ATP8A2: variants seen among roughly 807,000 people sequenced by gnomAD.
ATP8A2 encodes phospholipid-transporting ATPase IB.
In ATP8A2, 100 loss-of-function variants were observed where a neutral mutation model predicts 165.6. The observed-to-expected ratio is 0.60, with a 90% CI of 0.51 to 0.71. The LOEUF (loss-of-function observed/expected upper bound fraction) is 0.71, where lower values mean the gene tolerates loss of function less well. Ranked by LOEUF, ATP8A2 falls within the 30% of genes least tolerant of loss-of-function variation. The pLI is 0.00. For missense variants in ATP8A2, 1,227 were observed against 1,479.5 expected (o/e 0.83, Z 2.80); for synonymous variants, 543 against 548.8 (o/e 0.99, Z 0.15).
At chr13:25,961,685 G>T in intron 34 of ATP8A2, 22 bp downstream of exon 34, 2 of 1,570,204 alleles carry the variant, frequency 1.3e-6, no homozygotes, top group South Asian at 1.1e-5. Context: ...AGTGAAGCGG[G>T]GACCCTAAGT....
intron 1 of ATP8A2, among the ~76,000 whole-genome samples, chr13:25,401,264 A>G (rs901162853): frequency 9.9e-5 from 15 of 152,214 alleles, no homozygotes; most frequent in Middle Eastern, 3.2e-3. Flanking sequence ...AAAATGTGCC[A>G]TTTAAAATGA....
intron 24 of ATP8A2, among the ~76,000 whole-genome samples, chr13:25,652,611 G>A (rs997278561): frequency 2.6e-5 from 4 of 152,120 alleles, no homozygotes; most frequent in African/African-American, 9.7e-5. Context: ...CATTTCCACT[G>A]CTTTGTTGTT....
chr13:25,663,329 G>A lies in ATP8A2; in HGVS notation c.2212-35844G>A, dbSNP rs76772932. 0.017 allele frequency among the ~76,000 whole-genome samples: 2,606 copies of A among 152,274 alleles called. 197 individuals carry two copies. In the East Asian group the frequency reaches 0.24, roughly 14 times the overall value. On this transcript the variant is annotated intron_variant, in intron 24 of 36. Coordinates refer to ENST00000381655, the MANE Select transcript of ATP8A2 (RefSeq NM_016529.6). ...CTTTCTTATAAGTTATTTCAAGTTT[G>A]CTGTTTCCCTACAGTTTGAATTGAA... is the stretch of plus-strand genomic sequence containing the variant.
intron 34 of ATP8A2, among the ~76,000 whole-genome samples, chr13:25,962,100 G>A (rs1955673741): frequency 2.0e-5 from 3 of 152,106 alleles, no homozygotes; most frequent in Non-Finnish European, 4.4e-5. Flanking sequence ...AAGATCAATA[G>A]GAATGTTGCC....
rs1264951584 is a variant in ATP8A2, at chr13:26,020,785, A to T, written c.*800A>T. 1 of 152,342 alleles carries T rather than the reference A, an allele frequency of 6.6e-6. No homozygotes were observed. Among genetic ancestry groups the T allele is most frequent in the South Asian group, 2.1e-4 (1 of 4,826 alleles). The allele number at this position is 152,342 out of a possible 1,614,324, so 9.4% of individuals were successfully genotyped here. ...TGTTCCACTGCAGACTCAGATACAG[A>T]TGCGAAAAATTCCTTCTTCCACCGC... On this transcript the variant is annotated 3_prime_UTR_variant, in exon 37 of 37. Coordinates refer to ENST00000381655, the MANE Select transcript of ATP8A2 (RefSeq NM_016529.6).
chr13:25,918,641 T>TC (rs928409839), intron 33 of ATP8A2, among the ~76,000 whole-genome samples: 15 of 151,806 alleles, frequency 9.9e-5, no homozygotes, highest in Admixed American at 7.2e-4. Context: ...TGTGAAAGCC[T>TC]CCCCCCCGCA....
At chr13:25,695,114 T>G (rs1334245812) in intron 24 of ATP8A2, among the ~76,000 whole-genome samples, 1 of 151,364 alleles carries the variant, frequency 6.6e-6, no homozygotes, top group Non-Finnish European at 1.5e-5. Context: ...AATACTGTAA[T>G]AAAGCAAGTC....
intron 33 of ATP8A2, among the ~76,000 whole-genome samples, chr13:25,930,889 C>T (rs1302360317): frequency 6.6e-6 from 1 of 152,226 alleles, no homozygotes; most frequent in Non-Finnish European, 1.5e-5. Flanking sequence ...AGGAACTACT[C>T]AGCCTTGCCG....
chr13:25,824,285 C>CTAT (rs1251653261), intron 27 of ATP8A2, among the ~76,000 whole-genome samples: 2 of 152,142 alleles, frequency 1.3e-5, no homozygotes, highest in Non-Finnish European at 2.9e-5. Flanking sequence ...AGTGTCAATT[C>CTAT]TGGCTTTCAT....
chr13:25,724,628 C>T (rs936511810), intron 25 of ATP8A2, among the ~76,000 whole-genome samples: 1 of 152,224 alleles, frequency 6.6e-6, no homozygotes, highest in Non-Finnish European at 1.5e-5. Flanking sequence ...TAAAAATTCA[C>T]ATTGACTTCT....
chr13:25,789,789 G>C (rs1270310444), intron 27 of ATP8A2, among the ~76,000 whole-genome samples: 1 of 152,166 alleles, frequency 6.6e-6, no homozygotes. Context: ...TAAGCAAAAA[G>C]AGCGAAGCTG....
At chr13:25,506,536 C>G (rs9578872) in intron 2 of ATP8A2, among the ~76,000 whole-genome samples, 9,010 of 152,220 alleles carry the variant, frequency 0.059, 341 homozygotes, top group South Asian at 0.13. Context: ...CATTTGGAAA[C>G]CCTTGAAACC....
At chr13:25,850,753 T>A (rs1423691584) in intron 30 of ATP8A2, among the ~76,000 whole-genome samples, 1 of 152,226 alleles carries the variant, frequency 6.6e-6, no homozygotes, top group Non-Finnish European at 1.5e-5. Flanking sequence ...AGCAACTTGC[T>A]TTAGGAATAA....
At chr13:25,703,537 C>T (rs4770861) in intron 25 of ATP8A2, among the ~76,000 whole-genome samples, 96,997 of 152,020 alleles carry the variant, frequency 0.64, 31,460 homozygotes, top group Non-Finnish European at 0.69. Context: ...CATAGCAGCA[C>T]GGCCCACAGT....
rs888756688 is a variant in ATP8A2 at position 25,372,706 on chromosome 13, C to G, written c.76+418C>G. On this transcript the variant is annotated intron_variant, in intron 1 of 36. Coordinates refer to ENST00000381655, the MANE Select transcript of ATP8A2 (RefSeq NM_016529.6). The surrounding 1 kb of genome is among the most constrained non-coding windows in gnomAD (Gnocchi z 4.8). Reference sequence around the variant, plus strand: ...AGCCTTCCCTGCCGGCGGCCGGCACCGCTGTGCTGCAGAGCTCAAAAGCAG... The same window carrying G: ...AGCCTTCCCTGCCGGCGGCCGGCACGGCTGTGCTGCAGAGCTCAAAAGCAG... Among the ~76,000 whole-genome samples, 2 of 152,192 alleles carry G rather than the reference C, an allele frequency of 1.3e-5. No individual in the cohort carries two copies. Among genetic ancestry groups the G allele is most frequent in the African/African-American group, 4.8e-5 (2 of 41,446 alleles).
At position 25,422,456 on chromosome 13, in the gene ATP8A2, A is replaced by G. The variant is rs2034328195; in HGVS notation, c.77-46521A>G. On this transcript the variant is annotated intron_variant, in intron 1 of 36. Coordinates refer to ENST00000381655, the MANE Select transcript of ATP8A2 (RefSeq NM_016529.6). ...CCAATGAGTTAAAATCCCCGTTGAC[A>G]TTGTAGTCTTCTGTCAATAAACATC... Among the ~76,000 whole-genome samples the G allele has an allele frequency of 2.6e-5, 4 of 152,338 alleles. No homozygotes were observed. The South Asian group carries it at 8.3e-4, about 32-fold the overall frequency.
At chr13:25,438,879 G>C (rs552794484) in intron 1 of ATP8A2, among the ~76,000 whole-genome samples, 32 of 152,100 alleles carry the variant, frequency 2.1e-4, no homozygotes, top group South Asian at 4.1e-4. Flanking sequence ...GAAAATAAAT[G>C]AGAAAACAAA....
rs534965668 is a variant in ATP8A2 at position 25,563,106 on chromosome 13, CAACGTTG to C, written c.1398-847_1398-841del. 1.2e-4 allele frequency among the ~76,000 whole-genome samples: 18 copies of C among 152,296 alleles called. No homozygotes were observed. The South Asian group carries it at 3.7e-3, about 32-fold the overall frequency. On this transcript the variant is annotated intron_variant, in intron 15 of 36. Transcript: ENST00000381655. ...TCTTCTTTCATTGTCTTTGTCTTGA[CAACGTTG>C]AAGTTTCAAGAGGAGGCCAGGTGCG...
At chr13:25,774,980 TC>T (rs1388514661) in intron 27 of ATP8A2, 21 bp downstream of exon 27, 2 of 1,370,480 alleles carry the variant, frequency 1.5e-6, no homozygotes. Flanking sequence ...GTATTTTTTT[TC>T]CTTGAAGAGA....
Sources: allele counts gnomAD v4.1 joint callset (sites outside exome capture counted in the v4.1 genomes callset), GRCh38; gene constraint gnomAD v4.1.1; non-coding constraint Gnocchi (gnomAD v3.1); transcripts MANE v1.5; gene names NCBI Gene and HGNC (gene_info 2026-07-23, HGNC 2026-07-21).